The following PAX5 variants were observed in gnomAD, a reference collection of about 807,000 sequenced individuals.
PAX5 encodes the protein paired box protein Pax-5.
PAX5 carries 9 observed loss-of-function variants against 43.7 expected under a neutral mutation model. The ratio of observed to expected loss-of-function variants is 0.21; its 90% confidence interval spans 0.12 to 0.36. PAX5 has a LOEUF of 0.36. Ranked by LOEUF, PAX5 falls within the 10% of genes least tolerant of loss-of-function variation. PAX5 has a pLI of 1.00. For missense variants in PAX5, 383 were observed against 532.7 expected (o/e 0.72, Z 2.77); for synonymous variants, 228 against 214.3 (o/e 1.06, Z -0.56).
intron 8 of PAX5, among the ~76,000 whole-genome samples, chr9:36,863,966 G>A (rs558030618): frequency 1.9e-3 from 286 of 152,276 alleles, no homozygotes; most frequent in South Asian, 3.5e-3. Context: ...AAAATTAGCT[G>A]GGCATGGTGG....
chr9:37,005,575 G>A (rs1389119201), intron 4 of PAX5, among the ~76,000 whole-genome samples: 2 of 152,184 alleles, frequency 1.3e-5, no homozygotes, highest in African/African-American at 4.8e-5. Flanking sequence ...AGTTGGAACT[G>A]GAGGCCAGGA....
At chr9:36,898,747 C>T (rs893720692) in intron 7 of PAX5, among the ~76,000 whole-genome samples, 2 of 152,140 alleles carry the variant, frequency 1.3e-5, no homozygotes, top group Non-Finnish European at 2.9e-5. Context: ...GCTCTCCTCG[C>T]CACATGAGGG....
At chr9:36,962,806 G>A (rs1834086111) in intron 6 of PAX5, among the ~76,000 whole-genome samples, 1 of 152,168 alleles carries the variant, frequency 6.6e-6, no homozygotes, top group African/African-American at 2.4e-5. Context: ...AGGCCACAGA[G>A]ACACACACTG....
At chr9:36,967,396 A>G (rs186620858) in intron 5 of PAX5, among the ~76,000 whole-genome samples, 1 of 152,376 alleles carries the variant, frequency 6.6e-6, no homozygotes. Flanking sequence ...GAAGTGATGT[A>G]TGTACAAGGT....
chr9:36,931,746 G>A (rs1370498482), intron 6 of PAX5, among the ~76,000 whole-genome samples: 2 of 151,756 alleles, frequency 1.3e-5, no homozygotes, highest in African/African-American at 2.4e-5. Context: ...CTACTCAGGA[G>A]GCTGAGGCAG....
intron 6 of PAX5, among the ~76,000 whole-genome samples, chr9:36,933,264 A>C (rs2132022273): frequency 6.6e-6 from 1 of 152,258 alleles, no homozygotes; most frequent in South Asian, 2.1e-4. Context: ...TCCAACAAAT[A>C]CCTGTGAAAT....
chr9:36,947,275 T>C (rs999998867), intron 6 of PAX5, among the ~76,000 whole-genome samples: 1 of 152,242 alleles, frequency 6.6e-6, no homozygotes, highest in Non-Finnish European at 1.5e-5. Flanking sequence ...AAAATTACAC[T>C]GTGGCTCCAA....
intron 5 of PAX5, among the ~76,000 whole-genome samples, chr9:36,992,708 C>T (rs1837047582): frequency 6.6e-6 from 1 of 152,208 alleles, no homozygotes. Flanking sequence ...TCTTAAGGAG[C>T]TAAGAACAGG....
In PAX5 at chr9:36,840,212, C is replaced by CCCAGGCTGGGGTGGTTA. The variant is rs1821926980; in HGVS notation, c.*331_*347dup. ...GAAGCAACAAAAGCAAGCTCTCCTT[C>CCCAGGCTGGGGTGGTTA]CCAGGCTGGGGTGGTTATGATGGAT... On this transcript the variant is annotated 3_prime_UTR_variant, in exon 10 of 10. Coordinates refer to ENST00000358127, the MANE Select transcript of PAX5 (RefSeq NM_016734.3). 1 of 468,134 alleles carries CCCAGGCTGGGGTGGTTA rather than the reference C, an allele frequency of 2.1e-6. No homozygotes were observed. Among genetic ancestry groups the CCCAGGCTGGGGTGGTTA allele is most frequent in the Non-Finnish European group, 3.8e-6 (1 of 259,774 alleles). The allele number at this position is 468,134 out of a possible 1,614,324, so 29.0% of individuals were successfully genotyped here.
chr9:37,027,767 C>T (rs942886558), intron 1 of PAX5, among the ~76,000 whole-genome samples: 34 of 152,374 alleles, frequency 2.2e-4, no homozygotes, highest in African/African-American at 8.2e-4. Context: ...CTGCCAATCA[C>T]GCTCCACCAA....
rs1841297179 is a variant in PAX5 at position 37,034,098 on chromosome 9, C to CTTTCTTTTTTTTTTTTTTTTT, written c.-68_-67insAAAAAAAAAAAAAAAAAGAAA. On this transcript the variant is annotated 5_prime_UTR_variant, in exon 1 of 10. Coordinates refer to ENST00000358127, the MANE Select transcript of PAX5 (RefSeq NM_016734.3). Reference sequence around the variant, plus strand: ...TCCACTTTTTTGTGCCTTTTTTTTTCTTTTTTTTTTTTTTTTTTTTTTTTT... The same window carrying CTTTCTTTTTTTTTTTTTTTTT: ...TCCACTTTTTTGTGCCTTTTTTTTTCTTTCTTTTTTTTTTTTTTTTTTTTTTTTTTTTTTTTTTTTTTTTTT... 8 of 320,102 alleles carry CTTTCTTTTTTTTTTTTTTTTT rather than the reference C, an allele frequency of 2.5e-5. No homozygotes were observed. The African/African-American group carries it at 3.0e-4, about 12-fold the overall frequency. 19.8% of individuals were successfully genotyped at this position (320,102 alleles called of 1,614,324 possible).
intron 5 of PAX5, among the ~76,000 whole-genome samples, chr9:36,986,273 G>T (rs1297235294): frequency 6.7e-6 from 1 of 149,250 alleles, no homozygotes; most frequent in African/African-American, 2.4e-5. Flanking sequence ...CGCGGGCCGC[G>T]CGGCAATCAG....
chr9:36,959,559 C>T (rs547101336), intron 6 of PAX5, among the ~76,000 whole-genome samples: 3 of 152,302 alleles, frequency 2.0e-5, no homozygotes, highest in East Asian at 1.9e-4. Context: ...CACAGCCCCA[C>T]GAGGAGAGAG....
intron 7 of PAX5, among the ~76,000 whole-genome samples, chr9:36,889,466 G>A (rs984885793): frequency 3.9e-5 from 6 of 152,198 alleles, no homozygotes; most frequent in African/African-American, 1.4e-4. Flanking sequence ...CAAAAACTCT[G>A]TAAGGTGAAC....
At chr9:36,973,068 A>AGGAAAGGAACGGAAC (rs1835062967) in intron 5 of PAX5, among the ~76,000 whole-genome samples, 1 of 110,268 alleles carries the variant, frequency 9.1e-6, no homozygotes, top group African/African-American at 3.7e-5. Flanking sequence ...AGGAAAGGAA[A>AGGAAAGGAACGGAAC]GGAACGGAAC....
intron 8 of PAX5, among the ~76,000 whole-genome samples, chr9:36,881,497 G>A (rs896793952): frequency 2.6e-5 from 4 of 151,956 alleles, no homozygotes; most frequent in Admixed American, 6.6e-5. Context: ...AGGTTCCAAC[G>A]GCCACAGGGT....
intron 1 of PAX5, among the ~76,000 whole-genome samples, chr9:37,022,112 A>G (rs1839905943): frequency 6.6e-6 from 1 of 152,198 alleles, no homozygotes; most frequent in Admixed American, 6.5e-5. Flanking sequence ...TGTCCAAGCA[A>G]TCCACTCAAG....
At chr9:37,020,568 C>G (rs541854130) in intron 2 of PAX5, 68 bp downstream of exon 2, 1 of 1,474,932 alleles carries the variant, frequency 6.8e-7, no homozygotes, top group South Asian at 1.2e-5. Flanking sequence ...TCATATTGGA[C>G]AGCTGCTGGG....
At chr9:36,844,165 C>T (rs1190715259) in intron 9 of PAX5, among the ~76,000 whole-genome samples, 1 of 152,200 alleles carries the variant, frequency 6.6e-6, no homozygotes, top group Non-Finnish European at 1.5e-5. Context: ...ATCACTCACA[C>T]ACAGGTCTGA....
Sources: allele counts gnomAD v4.1 joint callset (sites outside exome capture counted in the v4.1 genomes callset), GRCh38; gene constraint gnomAD v4.1.1; transcripts MANE v1.5; gene names NCBI Gene and HGNC (gene_info 2026-07-23, HGNC 2026-07-21).